The following AGAP1 variants were observed in gnomAD, a reference collection of about 807,000 sequenced individuals.
AGAP1 encodes arf-GAP with GTPase, ANK repeat and PH domain-containing protein 1.
Under a neutral mutation model 105.3 loss-of-function variants are expected in AGAP1, and 29 were observed. That is an observed-to-expected ratio of 0.28 (90% CI 0.21 to 0.38). AGAP1 has a LOEUF of 0.38. Among genes scored for constraint, AGAP1 ranks in the 10% least tolerant of loss-of-function variants. The pLI, the probability that AGAP1 is intolerant of heterozygous loss-of-function variation, is 1.00. For missense variants in AGAP1, 998 were observed against 1,165.1 expected, an observed-to-expected ratio of 0.86 and a Z score of 2.09; for synonymous variants, 509 against 485.9, an observed-to-expected ratio of 1.05 and a Z score of -0.63.
At chr2:235,581,464 T>A (rs78128330) in intron 1 of AGAP1, among the ~76,000 whole-genome samples, 2 of 145,082 alleles carry the variant, frequency 1.4e-5, no homozygotes, top group African/African-American at 5.3e-5. Context: ...TTTTTTTTTT[T>A]AATGGATTGA....
Position 236,046,446 on chromosome 2 carries a change from G to T in AGAP1, c.1892-2613G>T, listed in dbSNP as rs181363656. 6.6e-6 allele frequency among the ~76,000 whole-genome samples: 1 copy of T among 152,154 alleles called. No homozygotes were observed. The highest frequency in any genetic ancestry group is 1.5e-5 in the Non-Finnish European group (1 of 68,030). ...GGGAGCATAAGTTCGAGAAGAAAGC[G>T]TTGGACTTATGAGAGGTTGAGAACC... is the stretch of plus-strand genomic sequence containing the variant. On this transcript the variant is annotated intron_variant, in intron 15 of 17. Coordinates refer to ENST00000304032, the MANE Select transcript of AGAP1 (RefSeq NM_001037131.3). This position sits in a 1 kb window ranked among gnomAD's most constrained non-coding sequence, Gnocchi z 5.2.
chr2:235,680,300 A>C (rs920085188), intron 1 of AGAP1, among the ~76,000 whole-genome samples: 1 of 152,192 alleles, frequency 6.6e-6, no homozygotes, highest in African/African-American at 2.4e-5. Context: ...TTGGGCTTTA[A>C]TTTGGCGCGG....
chr2:235,757,026 C>T (rs1308687039), intron 6 of AGAP1, among the ~76,000 whole-genome samples: 2 of 152,198 alleles, frequency 1.3e-5, no homozygotes, highest in African/African-American at 4.8e-5. Flanking sequence ...CAGAACATCA[C>T]ATTAGATATA....
chr2:236,055,284 G>A lies in AGAP1; in HGVS notation c.2114+6003G>A, dbSNP rs1050759789. On this transcript the variant is annotated intron_variant, in intron 16 of 17. Transcript: ENST00000304032. The surrounding 1 kb of genome is among the most constrained non-coding windows in gnomAD (Gnocchi z 6.2). ...GGACAGTTTAACTTTCTTCTTCGCC[G>A]TGCAGACCCCCCTACATGTACACAC... 4.6e-5 allele frequency among the ~76,000 whole-genome samples: 7 copies of A among 152,132 alleles called. No individual in the cohort carries two copies. The highest frequency in any genetic ancestry group is 8.8e-5 in the Non-Finnish European group (6 of 68,028).
chr2:235,647,616 G>A (rs1482392500), intron 1 of AGAP1, among the ~76,000 whole-genome samples: 1 of 152,092 alleles, frequency 6.6e-6, no homozygotes, highest in Non-Finnish European at 1.5e-5. Context: ...TTGAACTCCT[G>A]AACTCAAATG....
chr2:235,497,666 G>T (rs527632986), intron 1 of AGAP1, among the ~76,000 whole-genome samples: 1 of 152,168 alleles, frequency 6.6e-6, no homozygotes, highest in Non-Finnish European at 1.5e-5. Context: ...GCGCAATCTC[G>T]GCTCACTGCA....
At chr2:235,589,194 G>GTTTTTTTTTTTTT (rs928149334) in intron 1 of AGAP1, among the ~76,000 whole-genome samples, 21 of 59,610 alleles carry the variant, frequency 3.5e-4, no homozygotes, top group East Asian at 6.8e-4. Context: ...TTATTGTTTT[G>GTTTTTTTTTTTTT]TTTTTTTTTT....
intron 9 of AGAP1, among the ~76,000 whole-genome samples, chr2:235,851,002 C>G (rs1436009100): frequency 1.3e-5 from 2 of 152,234 alleles, no homozygotes; most frequent in Non-Finnish European, 2.9e-5. Context: ...CCTCCCTGCA[C>G]AACCTACAGA....
At chr2:235,811,740 C>A (rs1440189253) in intron 9 of AGAP1, among the ~76,000 whole-genome samples, 1 of 152,194 alleles carries the variant, frequency 6.6e-6, no homozygotes, top group Non-Finnish European at 1.5e-5. Flanking sequence ...GCCCCCGGCC[C>A]GGCCCAGCTC....
chr2:236,062,580 A>G lies in AGAP1; in HGVS notation c.2114+13299A>G, dbSNP rs1404576223. Among the ~76,000 whole-genome samples the G allele has an allele frequency of 6.6e-6, 1 of 152,158 alleles. No homozygotes were observed. Among genetic ancestry groups the G allele is most frequent in the Non-Finnish European group, 1.5e-5 (1 of 68,026 alleles). ...AACCCCAGACTCCCAGGCTCAAGCA[A>G]TCCTACCTAGTCAGCCTCCCAAGTA... is the stretch of plus-strand genomic sequence containing the variant. On this transcript the variant is annotated intron_variant, in intron 16 of 17. Transcript: ENST00000304032. This position sits in a 1 kb window ranked among gnomAD's most constrained non-coding sequence, Gnocchi z 4.2.
At position 235,864,839 on chromosome 2, in the gene AGAP1, G is replaced by C. The variant is rs2049083922; in HGVS notation, c.1051-18506G>C. Among the ~76,000 whole-genome samples the C allele has an allele frequency of 6.6e-6, 1 of 152,122 alleles. No individual in the cohort carries two copies. Among genetic ancestry groups the C allele is most frequent in the Non-Finnish European group, 1.5e-5 (1 of 68,026 alleles). On this transcript the variant is annotated intron_variant, in intron 9 of 17. Transcript: ENST00000304032. This position sits in a 1 kb window ranked among gnomAD's most constrained non-coding sequence, Gnocchi z 5.0. Reference sequence around the variant, plus strand: ...ACCCCAGCATACAGTAGCTTCATTGGCTTTTTTTCTGCCCATATTCAAAAT... The same window carrying C: ...ACCCCAGCATACAGTAGCTTCATTGCCTTTTTTTCTGCCCATATTCAAAAT...
chr2:235,778,660 C>T (rs1006597732), intron 6 of AGAP1, among the ~76,000 whole-genome samples: 5 of 152,216 alleles, frequency 3.3e-5, no homozygotes, highest in Non-Finnish European at 5.9e-5. Flanking sequence ...GTGCCAGGGT[C>T]CTCATCTGGG....
chr2:235,539,378 C>T (rs1001430773), intron 1 of AGAP1, among the ~76,000 whole-genome samples: 8 of 152,188 alleles, frequency 5.3e-5, no homozygotes, highest in East Asian at 3.8e-4. Context: ...TTGAATCCCA[C>T]GCCCATTTTG....
At chr2:235,543,001 T>C (rs6706086) in intron 1 of AGAP1, among the ~76,000 whole-genome samples, 131,391 of 151,884 alleles carry the variant, frequency 0.87, 57,270 homozygotes, top group East Asian at 0.98. Context: ...TTGCTGAGGG[T>C]GGACTTTTCT....
Position 235,620,844 on chromosome 2 carries a change from T to C in AGAP1, c.164-88335T>C, listed in dbSNP as rs1282025729. On this transcript the variant is annotated intron_variant, in intron 1 of 17. Coordinates refer to ENST00000304032, the MANE Select transcript of AGAP1 (RefSeq NM_001037131.3). This position sits in a 1 kb window ranked among gnomAD's most constrained non-coding sequence, Gnocchi z 4.5. ...TGAGTTTGCTCTGGTTTCCTTCTAG[T>C]TGTGGGAAGTAATTCCTGAATTGCA... Among the ~76,000 whole-genome samples the C allele has an allele frequency of 6.6e-6, 1 of 152,172 alleles. No homozygotes were observed. Among genetic ancestry groups the C allele is most frequent in the Non-Finnish European group, 1.5e-5 (1 of 68,038 alleles).
intron 11 of AGAP1, among the ~76,000 whole-genome samples, chr2:235,929,333 G>A (rs546175432): frequency 8.2e-4 from 125 of 152,198 alleles, no homozygotes; most frequent in East Asian, 1.9e-4. Context: ...TCTTGGCGAT[G>A]CTGCTTCTGT....
In AGAP1 at chr2:236,038,221, C is replaced by T. The variant is rs2057439585; in HGVS notation, c.1800+1506C>T. ...AGCACAGGGTGCTTTGGGGCCACCT[C>T]AATGGGAAGCAACAGCACACAGCAT... On this transcript the variant is annotated intron_variant, in intron 14 of 17. Transcript: ENST00000304032. The surrounding 1 kb of genome is among the most constrained non-coding windows in gnomAD (Gnocchi z 4.5). 6.6e-6 allele frequency among the ~76,000 whole-genome samples: 1 copy of T among 152,208 alleles called. No individual in the cohort carries two copies. Among genetic ancestry groups the T allele is most frequent in the Non-Finnish European group, 1.5e-5 (1 of 68,036 alleles).
In AGAP1 at chr2:235,740,276, C is replaced by T. The variant is rs1000593632; in HGVS notation, c.311-687C>T. Among the ~76,000 whole-genome samples the T allele has an allele frequency of 2.0e-5, 3 of 152,042 alleles. No homozygotes were observed. Among genetic ancestry groups the T allele is most frequent in the Admixed American group, 6.5e-5 (1 of 15,272 alleles). On this transcript the variant is annotated intron_variant, in intron 3 of 17. Coordinates refer to ENST00000304032, the MANE Select transcript of AGAP1 (RefSeq NM_001037131.3). This position sits in a 1 kb window ranked among gnomAD's most constrained non-coding sequence, Gnocchi z 5.7. Reference sequence around the variant, plus strand: ...TAGCACCAGGCCCCTCATGCCCGCACCCCCTCCTCATGGTCACCTCTGTTC... The same window carrying T: ...TAGCACCAGGCCCCTCATGCCCGCATCCCCTCCTCATGGTCACCTCTGTTC...
Position 236,005,281 on chromosome 2 carries a change from G to A in AGAP1, c.1646-31280G>A, listed in dbSNP as rs569387663. Among the ~76,000 whole-genome samples, 5 of 152,176 alleles carry A rather than the reference G, an allele frequency of 3.3e-5. No individual in the cohort carries two copies. Among genetic ancestry groups the A allele is most frequent in the Non-Finnish European group, 7.4e-5 (5 of 68,016 alleles). On this transcript the variant is annotated intron_variant, in intron 13 of 17. Transcript: ENST00000304032. The surrounding 1 kb of genome is among the most constrained non-coding windows in gnomAD (Gnocchi z 4.1). ...GCCCCTCAGCCTCCCAAATAGCTGGGACTACAGGAGTGTGCCACCGGCTAA... is the reference window on the plus strand; with the variant it reads ...GCCCCTCAGCCTCCCAAATAGCTGGAACTACAGGAGTGTGCCACCGGCTAA...
Sources: allele counts gnomAD v4.1 joint callset (sites outside exome capture counted in the v4.1 genomes callset), GRCh38; gene constraint gnomAD v4.1.1; non-coding constraint Gnocchi (gnomAD v3.1); transcripts MANE v1.5; gene names NCBI Gene and HGNC (gene_info 2026-07-23, HGNC 2026-07-21).